SEL1L3: variants seen among roughly 807,000 people sequenced by gnomAD.
The protein encoded by SEL1L3 is protein sel-1 homolog 3.
SEL1L3 carries 76 observed loss-of-function variants against 142.8 expected under a neutral mutation model. The ratio of observed to expected loss-of-function variants is 0.53; its 90% CI spans 0.44 to 0.64. The LOEUF (loss-of-function observed/expected upper bound fraction) is 0.64, where lower values mean the gene tolerates loss of function less well. SEL1L3 is among the 30% of genes least tolerant of loss of function. The pLI is 0.00. For missense variants in SEL1L3, 1,262 were observed against 1,381.7 expected, an observed-to-expected ratio of 0.91 and a Z score of 1.37; for synonymous variants, 504 against 519.6, an observed-to-expected ratio of 0.97 and a Z score of 0.41.
At chr4:25,805,537 C>T (rs1713497261) in intron 9 of SEL1L3, among the ~76,000 whole-genome samples, 4 of 152,204 alleles carry the variant, frequency 2.6e-5, no homozygotes, top group South Asian at 2.1e-4. Flanking sequence ...TTAATAAGTA[C>T]TTTACCACGC....
the SEL1L3 span, chr4:25,719,479 G>T: frequency 6.6e-6 from 1 of 151,998 alleles, no homozygotes; most frequent in African/African-American, 2.4e-5. Context: ...TTTTTTCGGG[G>T]GTGTGATTCA....
chr4:25,787,992 C>T (rs1023847593), intron 13 of SEL1L3, among the ~76,000 whole-genome samples: 3 of 152,168 alleles, frequency 2.0e-5, no homozygotes, highest in Admixed American at 6.5e-5. Flanking sequence ...GTGGTTCTTG[C>T]GAAAGCACAG....
At chr4:25,791,821 G>A (rs866314561) in intron 11 of SEL1L3, among the ~76,000 whole-genome samples, 8 of 151,954 alleles carry the variant, frequency 5.3e-5, no homozygotes, top group South Asian at 4.1e-4. Context: ...GCTGAGGCAC[G>A]AGAATCGCTT....
chr4:25,765,255 A>G (rs769026459), intron 20 of SEL1L3, 71 bp downstream of exon 20: 60 of 1,063,540 alleles, frequency 5.6e-5, no homozygotes, highest in Non-Finnish European at 8.1e-5. Context: ...CGGCCTCCCA[A>G]AGGGCTGGGA....
At chr4:25,736,056 C>T in the SEL1L3 span, among the ~76,000 whole-genome samples, 2 of 151,756 alleles carry the variant, frequency 1.3e-5, no homozygotes, top group Non-Finnish European at 1.5e-5. Flanking sequence ...GTCTCCATCT[C>T]CTGACCTCGT....
the SEL1L3 span, among the ~76,000 whole-genome samples, chr4:25,725,650 C>T: frequency 5.9e-5 from 9 of 151,994 alleles, no homozygotes; most frequent in East Asian, 1.9e-4. Context: ...CCTGATTATA[C>T]GCTAAACAAG....
chr4:25,773,697 A>G (rs1719399238), intron 17 of SEL1L3: 1 of 152,234 alleles, frequency 6.6e-6, no homozygotes, highest in Admixed American at 6.5e-5. Flanking sequence ...ATGGCTCCCC[A>G]CTGCTTCACA....
At chr4:25,810,816 T>A (rs939142460) in intron 9 of SEL1L3, among the ~76,000 whole-genome samples, 2 of 152,196 alleles carry the variant, frequency 1.3e-5, no homozygotes, top group Admixed American at 6.5e-5. Flanking sequence ...GGCCCTGGAA[T>A]GCCCGAGGCA....
chr4:25,821,928 T>G (rs1714785149), intron 7 of SEL1L3, 68 bp downstream of exon 7: 1 of 1,517,470 alleles, frequency 6.6e-7, no homozygotes. Context: ...TTACACTGGG[T>G]GGCACACCCC....
the SEL1L3 span, among the ~76,000 whole-genome samples, chr4:25,741,443 C>T: frequency 9.2e-5 from 14 of 152,262 alleles, no homozygotes; most frequent in African/African-American, 3.4e-4. Flanking sequence ...AGTGAAGTGA[C>T]ATCTTTGTAT....
chr4:25,770,739 CAAAAAAAAA>C (rs57317400), intron 17 of SEL1L3, among the ~76,000 whole-genome samples: 1 of 97,388 alleles, frequency 1.0e-5, no homozygotes, highest in African/African-American at 3.7e-5. Context: ...GACTCTGTCT[CAAAAAAAAA>C]AAAAAAAAAA....
chr4:25,740,513 T>A, the SEL1L3 span, among the ~76,000 whole-genome samples: 2 of 152,042 alleles, frequency 1.3e-5, no homozygotes, highest in Non-Finnish European at 2.9e-5. Context: ...ACATCCGTTC[T>A]CCTACTGATG....
At chr4:25,845,045 A>G (rs963005914) in intron 2 of SEL1L3, among the ~76,000 whole-genome samples, 2 of 152,238 alleles carry the variant, frequency 1.3e-5, no homozygotes, top group Non-Finnish European at 2.9e-5. Flanking sequence ...CTACACAAAC[A>G]CAGGACCCCC....
Position 25,788,356 on chromosome 4 carries a change from C to T in SEL1L3, c.2085G>A (p.Leu695=). ...TRGNAAAQQR[L]AQMLFWGQQG... ...GCTGCCCCCAGAACAGCATCTGGGC[C>T]AATCGTTGCTTAAAGATAATAGCAA... The change falls in exon 13 of 24, where the codon TTG becomes TTA. Residue 695 remains leucine (L), a synonymous_variant. Transcript: ENST00000399878. This position sits in a 1 kb window ranked among gnomAD's most constrained non-coding sequence, Gnocchi z 5.3. The T allele has an allele frequency of 1.9e-6, 3 of 1,613,790 alleles. No homozygotes were observed. Among genetic ancestry groups the T allele is most frequent in the Non-Finnish European group, 2.5e-6 (3 of 1,179,826 alleles).
chr4:25,765,472 G>T (rs778738315), intron 19 of SEL1L3, 37 bp from the exon 20 acceptor site: 3 of 1,389,360 alleles, frequency 2.2e-6, no homozygotes, highest in Non-Finnish European at 3.1e-6. Flanking sequence ...TTGTCAAGTG[G>T]TTTTTTTTAT....
chr4:25,811,761 T>G lies in SEL1L3; in HGVS notation c.1564+6377A>C, dbSNP rs536015754. ...TTTTCTTTTCCTGTTTTTTTTTTTT[T>G]TTTTTGTTGTTGTTGTTGTTAGTAG... On this transcript the variant is annotated intron_variant, in intron 9 of 23. Coordinates refer to ENST00000399878, the MANE Select transcript of SEL1L3 (RefSeq NM_015187.5). Among the ~76,000 whole-genome samples the G allele has an allele frequency of 4.0e-3, 599 of 148,598 alleles. 4 individuals carry two copies. Among genetic ancestry groups the G allele is most frequent in the African/African-American group, 0.012 (477 of 38,896 alleles).
intron 2 of SEL1L3, among the ~76,000 whole-genome samples, chr4:25,838,829 C>A (rs1715994180): frequency 6.6e-6 from 1 of 152,186 alleles, no homozygotes; most frequent in South Asian, 2.1e-4. Context: ...GATTATGTAG[C>A]CCATTCTCTG....
At chr4:25,858,106 G>A (rs918459925) in intron 1 of SEL1L3, among the ~76,000 whole-genome samples, 26 of 152,218 alleles carry the variant, frequency 1.7e-4, no homozygotes, top group African/African-American at 6.3e-4. Context: ...TTCACTTTAG[G>A]CTATTTACGG....
At chr4:25,816,474 A>G (rs1714401082) in intron 9 of SEL1L3, among the ~76,000 whole-genome samples, 1 of 152,170 alleles carries the variant, frequency 6.6e-6, no homozygotes. Flanking sequence ...GGAGTCCCTC[A>G]GAGCCCATCT....
Sources: gnomAD v4.1 joint callset for allele counts (sites outside exome capture counted in the v4.1 genomes callset) on GRCh38, gnomAD v4.1.1 for gene constraint, Gnocchi (gnomAD v3.1) non-coding constraint, MANE v1.5 for transcripts, NCBI Gene and HGNC (gene_info 2026-07-23, HGNC 2026-07-21) for gene names.